FRMD6: variants seen among roughly 807,000 people sequenced by gnomAD.
FRMD6 encodes FERM domain-containing protein 6.
FRMD6 carries 37 observed loss-of-function variants against 73.2 expected under a neutral mutation model. That is an observed-to-expected ratio of 0.51 (90% CI 0.39 to 0.66). The LOEUF is 0.66. Among genes scored for constraint, FRMD6 ranks in the 30% least tolerant of loss-of-function variants. The pLI is 0.00. For synonymous variants in FRMD6, 273 were observed against 282.2 expected, an observed-to-expected ratio of 0.97 and a Z score of 0.33; for missense variants, 714 against 780.5, an observed-to-expected ratio of 0.91 and a Z score of 1.02.
At chr14:51,539,905 T>C (rs920829949) in intron 1 of FRMD6, among the ~76,000 whole-genome samples, 2 of 152,176 alleles carry the variant, frequency 1.3e-5, no homozygotes, top group African/African-American at 4.8e-5. Context: ...ATTAGTTCAC[T>C]CTAACAAAAA....
rs758873332 is a variant in FRMD6, at chr14:51,704,759, G to C, written c.382G>C (p.Ala128Pro). 3 of 1,610,504 alleles carry C rather than the reference G, an allele frequency of 1.9e-6. No homozygotes were observed. The highest frequency in any genetic ancestry group is 2.5e-6 in the Non-Finnish European group (3 of 1,177,870). The stretch of plus-strand genomic sequence containing the variant: ...CTTTTATTTTTCTAGTGACAGAGCA[G>C]CAAGATACTATTATTACTGGCACCT... ...ENGRLISDRA[A>P]RYYYYWHLRK... Residue 128 changes from alanine (A) to proline (P), a missense_variant, in exon 6 of 14, where the codon GCA becomes CCA. By Grantham distance (27) the Ala-to-Pro change is conservative. Coordinates refer to ENST00000344768, the MANE Select transcript of FRMD6 (RefSeq NM_001267046.2).
chr14:51,686,239 C>T (rs1037915071), intron 1 of FRMD6, among the ~76,000 whole-genome samples: 1 of 152,096 alleles, frequency 6.6e-6, no homozygotes, highest in African/African-American at 2.4e-5. Context: ...GTATACCACA[C>T]CGGCACCCAG....
At chr14:51,687,681 C>A (rs1283009608) in intron 1 of FRMD6, among the ~76,000 whole-genome samples, 1 of 152,116 alleles carries the variant, frequency 6.6e-6, no homozygotes, top group African/African-American at 2.4e-5. Context: ...ATATAGGGTA[C>A]AGTACTTTGC....
chr14:51,721,560 A>G lies in FRMD6; in HGVS notation c.1361-389A>G, dbSNP rs150231415. ...AGGAGGCGGAGGTTGCAGTGAGCGG[A>G]GATCACACCACTCCAGCCTGGTGAC... On this transcript the variant is annotated intron_variant, in intron 11 of 13. Transcript: ENST00000344768. Among the ~76,000 whole-genome samples the G allele has an allele frequency of 9.8e-3, 1,433 of 145,736 alleles. 10 individuals are homozygous for G. Among genetic ancestry groups the G allele is most frequent in the Non-Finnish European group, 0.016 (1,044 of 65,802 alleles).
At chr14:51,467,857 G>A in the FRMD6 span, among the ~76,000 whole-genome samples, 7 of 152,218 alleles carry the variant, frequency 4.6e-5, 1 homozygote, top group South Asian at 1.5e-3. Flanking sequence ...TGGGCGGCTG[G>A]GCAGAGACGC....
chr14:51,664,801 G>GT (rs969084267), intron 1 of FRMD6, among the ~76,000 whole-genome samples: 3 of 152,036 alleles, frequency 2.0e-5, no homozygotes, highest in East Asian at 1.9e-4. Flanking sequence ...CATTTTGAAT[G>GT]TTTTTTTCAG....
At chr14:51,436,885 A>T in the FRMD6 span, 1 of 898,926 alleles carries the variant, frequency 1.1e-6, no homozygotes, top group Non-Finnish European at 1.7e-6. Flanking sequence ...TTGATGAAGA[A>T]GGGGATGAGG....
intron 1 of FRMD6, among the ~76,000 whole-genome samples, chr14:51,677,602 A>C (rs1894485369): frequency 1.3e-5 from 2 of 152,056 alleles, no homozygotes; most frequent in Admixed American, 1.3e-4. Context: ...TGGCTGTGAA[A>C]GTAGTTTCTG....
At chr14:51,681,703 T>C (rs1321863346) in intron 1 of FRMD6, among the ~76,000 whole-genome samples, 2 of 152,236 alleles carry the variant, frequency 1.3e-5, no homozygotes. Flanking sequence ...CACAGCCACT[T>C]ACAATTGTAT....
chr14:51,407,725 A>G, the FRMD6 span, among the ~76,000 whole-genome samples: 1 of 152,108 alleles, frequency 6.6e-6, no homozygotes, highest in Non-Finnish European at 1.5e-5. Flanking sequence ...TCTTTGACCT[A>G]TAAATAATTT....
intron 2 of FRMD6, among the ~76,000 whole-genome samples, chr14:51,571,407 G>A (rs543993233): frequency 6.6e-6 from 1 of 152,148 alleles, no homozygotes; most frequent in Non-Finnish European, 1.5e-5. Flanking sequence ...CTGTCCTCTT[G>A]TAGTGTTTAG....
the FRMD6 span, among the ~76,000 whole-genome samples, chr14:51,437,148 C>T: frequency 2.6e-5 from 4 of 152,174 alleles, no homozygotes; most frequent in African/African-American, 9.7e-5. Flanking sequence ...CCCCCACCCC[C>T]CGACAGGCCC....
At chr14:51,458,336 TA>T in the FRMD6 span, among the ~76,000 whole-genome samples, 1 of 152,230 alleles carries the variant, frequency 6.6e-6, no homozygotes, top group Non-Finnish European at 1.5e-5. Context: ...ATTTTCACAG[TA>T]AATTGCATTT....
upstream of FRMD6, among the ~76,000 whole-genome samples, chr14:51,485,250 G>A (rs1882740812): frequency 6.6e-6 from 1 of 152,162 alleles, no homozygotes; most frequent in African/African-American, 2.4e-5. Flanking sequence ...ACCTACACAA[G>A]TCTCATGTCA....
chr14:51,416,948 C>T, the FRMD6 span, among the ~76,000 whole-genome samples: 589 of 152,198 alleles, frequency 3.9e-3, 2 homozygotes, highest in East Asian at 8.7e-3. Flanking sequence ...GGTTCAAAGT[C>T]TGTTTTATCA....
chr14:51,406,702 A>T, the FRMD6 span, among the ~76,000 whole-genome samples: 2 of 152,088 alleles, frequency 1.3e-5, no homozygotes, highest in African/African-American at 4.8e-5. Flanking sequence ...CCCCAGCCTA[A>T]TTATTCTTCA....
intron 2 of FRMD6, among the ~76,000 whole-genome samples, chr14:51,623,899 A>G (rs1029278996): frequency 6.6e-6 from 1 of 152,366 alleles, no homozygotes; most frequent in African/African-American, 2.4e-5. Flanking sequence ...ACTGTGGTTT[A>G]GTAGCCCTGG....
intron 2 of FRMD6, among the ~76,000 whole-genome samples, chr14:51,610,860 A>C (rs1246504420): frequency 1.3e-5 from 2 of 152,208 alleles, no homozygotes; most frequent in Non-Finnish European, 2.9e-5. Flanking sequence ...TTGATGGAAA[A>C]GAAAATTAGA....
intron 2 of FRMD6, among the ~76,000 whole-genome samples, chr14:51,589,463 C>G (rs556197280): frequency 6.6e-6 from 1 of 152,006 alleles, no homozygotes; most frequent in South Asian, 2.1e-4. Context: ...CAGATCAAAG[C>G]AGATCTGCTT....
Sources: gnomAD v4.1 joint callset for allele counts (sites outside exome capture counted in the v4.1 genomes callset) on GRCh38, gnomAD v4.1.1 for gene constraint, MANE v1.5 for transcripts, NCBI Gene and HGNC (gene_info 2026-07-23, HGNC 2026-07-21) for gene names.